The following TTC12 variants were observed in gnomAD, a reference collection of about 807,000 sequenced individuals.
The protein encoded by TTC12 is tetratricopeptide repeat domain 12.
Under a neutral mutation model 90.1 loss-of-function variants are expected in TTC12, and 70 were observed. The ratio of observed to expected loss-of-function variants is 0.78; its 90% CI spans 0.64 to 0.95. The LOEUF is 0.95. Among genes scored for constraint, TTC12 ranks in the 40% least tolerant of loss-of-function variants. The pLI is 0.00. For missense variants in TTC12, 819 were observed against 846.1 expected (o/e 0.97, Z 0.40); for synonymous variants, 296 against 311.5 (o/e 0.95, Z 0.53).
rs782312683 is a variant in TTC12, at chr11:113,344,423, C to A, written c.1137C>A (p.Asn379Lys). 4.3e-6 allele frequency: 7 copies of A among 1,613,642 alleles called. No homozygotes were observed. The African/African-American group carries it at 9.3e-5, about 22-fold the overall frequency. Reference sequence around the variant, plus strand: ...AGAGCGGACGGAGCCTGATCATCAACCACCTTGACCTGACCAGGTAAGCCT... The same window carrying A: ...AGAGCGGACGGAGCCTGATCATCAAACACCTTGACCTGACCAGGTAAGCCT... ...QTESGRSLII[N>K]HLDLTRLLEA... Residue 379 changes from asparagine to lysine, a missense_variant, in exon 13 of 22, where the codon AAC becomes AAA. By Grantham distance (94) the Asn-to-Lys change is moderately conservative. Coordinates refer to ENST00000529221, the MANE Select transcript of TTC12 (RefSeq NM_017868.4).
intron 21 of TTC12, among the ~76,000 whole-genome samples, chr11:113,371,693 AG>A (rs1225629051): frequency 6.6e-6 from 1 of 152,222 alleles, no homozygotes; most frequent in Non-Finnish European, 1.5e-5. Context: ...CCGGAGAGGC[AG>A]GAAGCTCAGT....
chr11:113,341,985 T>A, intron 12 of TTC12, 60 bp downstream of exon 12: 3 of 1,426,622 alleles, frequency 2.1e-6, no homozygotes, highest in Admixed American at 1.7e-5. Flanking sequence ...AACTACGCTG[T>A]TGGGTGGACT....
rs1947171424 is a variant in TTC12 at position 113,319,670 on chromosome 11, C to T, written c.58+3355C>T. On this transcript the variant is annotated intron_variant, in intron 2 of 21. Coordinates refer to ENST00000529221, the MANE Select transcript of TTC12 (RefSeq NM_017868.4). The stretch of plus-strand genomic sequence containing the variant: ...AAAGGACCAAGAAGAGCCAAGAAAA[C>T]TCTGCAGGAAAAAAAAAAAAAGCAG... 3.4e-5 allele frequency among the ~76,000 whole-genome samples: 5 copies of T among 147,334 alleles called. No individual in the cohort carries two copies. In the South Asian group the frequency reaches 1.1e-3, roughly 33 times the overall value.
At chr11:113,330,528 A>G (rs1947992319) in intron 7 of TTC12, among the ~76,000 whole-genome samples, 1 of 152,246 alleles carries the variant, frequency 6.6e-6, no homozygotes. Context: ...GCATAGACAT[A>G]AAGACTATTG....
In TTC12 at chr11:113,359,233, A is replaced by G. The variant is rs2138064979; in HGVS notation, c.1447-130A>G. 1.3e-5 allele frequency: 8 copies of G among 615,120 alleles called. No individual in the cohort carries two copies. In the South Asian group the frequency reaches 1.6e-4, roughly 12 times the overall value. The allele number at this position is 615,120 out of a possible 1,614,324, so 38.1% of individuals were successfully genotyped here. A position where few individuals can be genotyped will look rare whatever the true frequency, so the allele number is the denominator to read the frequency against. On this transcript the variant is annotated intron_variant, in intron 16 of 21. Transcript: ENST00000529221. ...TAGAACTGGTCTCTGATCCTCCACC[A>G]TCATTTAGGTTCATGACATTGGCAA...
chr11:113,350,953 G>T (rs1426413844), intron 14 of TTC12, among the ~76,000 whole-genome samples: 1 of 152,218 alleles, frequency 6.6e-6, no homozygotes, highest in Non-Finnish European at 1.5e-5. Context: ...GGGGTTGGGG[G>T]TAAGTCAGCT....
intron 20 of TTC12, 84 bp from the exon 21 acceptor site, chr11:113,364,751 C>A: frequency 9.0e-7 from 1 of 1,116,734 alleles, no homozygotes; most frequent in Non-Finnish European, 1.3e-6. Context: ...CCGCTGACAT[C>A]TCCCTGCACC....
At chr11:113,322,218 TA>T (rs1244437358) in intron 2 of TTC12, among the ~76,000 whole-genome samples, 2 of 152,148 alleles carry the variant, frequency 1.3e-5, no homozygotes, top group Non-Finnish European at 1.5e-5. Context: ...TTAAGAAGTT[TA>T]ATTGTGAAGG....
At chr11:113,343,844 G>A (rs142785354) in intron 12 of TTC12, among the ~76,000 whole-genome samples, 28 of 152,296 alleles carry the variant, frequency 1.8e-4, no homozygotes, top group East Asian at 3.9e-4. Flanking sequence ...TACTCTAGCC[G>A]TTGTATGAAT....
chr11:113,318,141 G>A lies in TTC12; in HGVS notation c.58+1826G>A, dbSNP rs576751685. ...GTGTTGAGTGTTGGTAAGGCCTAGA[G>A]AATACAGTCAAAGAATTATTCTTTT... On this transcript the variant is annotated intron_variant, in intron 2 of 21. Transcript: ENST00000529221. Among the ~76,000 whole-genome samples, 36 of 152,312 alleles carry A rather than the reference G, an allele frequency of 2.4e-4. No homozygotes were observed. The South Asian group carries it at 6.8e-3, about 29-fold the overall frequency.
At chr11:113,363,768 T>G in intron 19 of TTC12, 60 bp from the exon 20 acceptor site, 1 of 1,178,592 alleles carries the variant, frequency 8.5e-7, no homozygotes, top group Middle Eastern at 2.0e-4. Context: ...TTGCTGTGGT[T>G]TGTGGTCAAG....
chr11:113,339,382 C>G lies in TTC12; in HGVS notation c.734C>G (p.Thr245Ser). The change falls in exon 10 of 22, where the codon ACC becomes AGC. Residue 245 changes from threonine (T) to serine (S), a missense_variant. Physicochemically the swap from Thr to Ser is moderately conservative, Grantham distance 58. Transcript: ENST00000529221. ...TCAGGAAAGAACACAGCCGTGACCA[C>G]CAAGAACCTCCTGGAGACCCTTTCC... ...LDSGKNTAVT[T>S]KNLLETLSKP... 1 of 1,614,040 alleles carries G rather than the reference C, an allele frequency of 6.2e-7. No individual in the cohort carries two copies. Among genetic ancestry groups the G allele is most frequent in the Non-Finnish European group, 8.5e-7 (1 of 1,180,024 alleles).
rs773521604 is a variant in TTC12, at chr11:113,366,250, C to T, written c.2068C>T (p.His690Tyr). 1 of 1,613,714 alleles carries T rather than the reference C, an allele frequency of 6.2e-7. No homozygotes were observed. Among genetic ancestry groups the T allele is most frequent in the Non-Finnish European group, 8.5e-7 (1 of 1,180,042 alleles). ...PRFAAQLRKLHGLEILNSTMK... is the reference protein window; with the variant it reads ...PRFAAQLRKLYGLEILNSTMK... ...ATTTGCTGCTCAACTGAGAAAGCTT[C>T]ATGGCCTAGAAATTCTCAACTCTAC... Residue 690 changes from histidine (H) to tyrosine (Y), a missense_variant, in exon 22 of 22, where the codon CAT (histidine) becomes TAT (tyrosine). His to Tyr is a moderately conservative substitution (Grantham distance 83). Transcript: ENST00000529221.
In TTC12 at chr11:113,363,608, A is replaced by C. The variant is rs184414306; in HGVS notation, c.1717-220A>C. ...ACTCAGGTGTACATGACAGGCCTAC[A>C]TTCCTGTCAGGGGTGTGGGCTGGGT... On this transcript the variant is annotated intron_variant, in intron 19 of 21. Transcript: ENST00000529221. 6.2e-4 allele frequency among the ~76,000 whole-genome samples: 95 copies of C among 152,294 alleles called. 1 individual carries two copies. Among genetic ancestry groups the C allele is most frequent in the African/African-American group, 2.2e-3 (93 of 41,570 alleles).
chr11:113,359,206 C>A (rs985632283), intron 16 of TTC12, among the ~76,000 whole-genome samples, 157 bp from the exon 17 acceptor site: 6 of 152,074 alleles, frequency 3.9e-5, no homozygotes, highest in African/African-American at 1.2e-4. Context: ...AACACTAACT[C>A]ATAGAACTGG....
intron 21 of TTC12, among the ~76,000 whole-genome samples, chr11:113,372,938 G>T (rs950817217): frequency 6.6e-6 from 1 of 152,110 alleles, no homozygotes; most frequent in African/African-American, 2.4e-5. Context: ...TTCCCAATGG[G>T]TGTCTGCAGG....
chr11:113,319,502 C>T (rs556204930), intron 2 of TTC12, among the ~76,000 whole-genome samples: 1 of 152,006 alleles, frequency 6.6e-6, no homozygotes. Context: ...TAAATGGAGA[C>T]GTATTTAATC....
rs1192130794 is a variant in TTC12, at chr11:113,353,258, T to C, written c.1446+1051T>C. On this transcript the variant is annotated intron_variant, in intron 16 of 21. Transcript: ENST00000529221. ...TTTTTTCATGTGCTTATTGGCCATA[T>C]GTATGTCTTTTGAAAAGTGTCTCTT... Among the ~76,000 whole-genome samples, 4 of 152,198 alleles carry C rather than the reference T, an allele frequency of 2.6e-5. No individual in the cohort carries two copies. The East Asian group carries it at 7.7e-4, about 29-fold the overall frequency.
Position 113,341,817 on chromosome 11 carries a change from C to G in TTC12, c.897-20C>G. 1 of 1,580,722 alleles carries G rather than the reference C, an allele frequency of 6.3e-7. No individual in the cohort carries two copies. The highest frequency in any genetic ancestry group is 8.7e-7 in the Non-Finnish European group (1 of 1,149,772). On this transcript the variant is annotated intron_variant, in intron 11 of 21. Coordinates refer to ENST00000529221, the MANE Select transcript of TTC12 (RefSeq NM_017868.4). ...ACTGATTTTCAGACTTTTAAGATAG[C>G]TCTCCTTTGTCCATTCTAGGTGTTT...
Sources: gnomAD v4.1 joint callset for allele counts (sites outside exome capture counted in the v4.1 genomes callset) on GRCh38, gnomAD v4.1.1 for gene constraint, MANE v1.5 for transcripts, NCBI Gene and HGNC (gene_info 2026-07-23, HGNC 2026-07-21) for gene names.